The following GPC6 variants were observed in gnomAD, a reference collection of about 807,000 sequenced individuals.
The protein encoded by GPC6 is glypican-6.
A neutral mutation model predicts 55.2 loss-of-function variants in GPC6; 14 were observed. The observed-to-expected ratio is 0.25, with a 90% CI of 0.17 to 0.40. GPC6 has a LOEUF of 0.40. GPC6 is among the 10% of genes least tolerant of loss of function. GPC6 has a pLI of 1.00. For missense variants in GPC6, 641 were observed against 708.5 expected (o/e 0.90, Z 1.08); for synonymous variants, 278 against 259.6 (o/e 1.07, Z -0.68).
chr13:93,731,193 A>G (rs1228862432), intron 2 of GPC6, among the ~76,000 whole-genome samples: 5 of 152,194 alleles, frequency 3.3e-5, no homozygotes, highest in Admixed American at 1.3e-4. Context: ...GTCTGTAGTC[A>G]GTGATAGTGC....
At chr13:93,658,608 A>G (rs1192533758) in intron 2 of GPC6, among the ~76,000 whole-genome samples, 2 of 151,570 alleles carry the variant, frequency 1.3e-5, no homozygotes, top group African/African-American at 2.4e-5. Context: ...TGTTAATGTA[A>G]TAGTTTACAT....
chr13:93,764,746 T>C (rs922865167), intron 2 of GPC6, among the ~76,000 whole-genome samples: 3 of 152,138 alleles, frequency 2.0e-5, no homozygotes, highest in African/African-American at 7.2e-5. Flanking sequence ...GGAGAAAATA[T>C]AGTCCTGGAA....
At chr13:94,143,315 TGA>T (rs1887449498) in intron 4 of GPC6, among the ~76,000 whole-genome samples, 1 of 152,156 alleles carries the variant, frequency 6.6e-6, no homozygotes, top group African/African-American at 2.4e-5. Context: ...TGGTTTAGTG[TGA>T]GAGAATCATT....
At chr13:94,089,627 A>G (rs2138809502) in intron 4 of GPC6, among the ~76,000 whole-genome samples, 1 of 152,266 alleles carries the variant, frequency 6.6e-6, no homozygotes, top group South Asian at 2.1e-4. Flanking sequence ...AATTGCCAAA[A>G]AAAAATGCAC....
At chr13:93,752,416 C>T (rs1365956201) in intron 2 of GPC6, among the ~76,000 whole-genome samples, 1 of 149,776 alleles carries the variant, frequency 6.7e-6, no homozygotes, top group Admixed American at 6.7e-5. Context: ...AAGAGATGAA[C>T]TGTTGCTTCT....
chr13:94,388,896 T>G (rs1392612235), intron 7 of GPC6, among the ~76,000 whole-genome samples: 1 of 152,180 alleles, frequency 6.6e-6, no homozygotes, highest in Non-Finnish European at 1.5e-5. Context: ...GGCTTCAACA[T>G]GTGGATTTTG....
intron 2 of GPC6, among the ~76,000 whole-genome samples, chr13:93,710,700 A>ACCC (rs1566498340): frequency 5.8e-4 from 75 of 130,014 alleles, no homozygotes; most frequent in African/African-American, 2.7e-3. Context: ...CCCCCCCCCA[A>ACCC]AAAAAATATG....
At chr13:93,640,882 C>T (rs1879905678) in intron 2 of GPC6, among the ~76,000 whole-genome samples, 1 of 149,396 alleles carries the variant, frequency 6.7e-6, no homozygotes, top group East Asian at 2.0e-4. Context: ...CTTCTTCCCT[C>T]TTTATCTTTT....
chr13:93,273,640 A>C (rs1320877586), intron 1 of GPC6, among the ~76,000 whole-genome samples: 2 of 152,170 alleles, frequency 1.3e-5, no homozygotes, highest in Non-Finnish European at 2.9e-5. Context: ...CCTGGGCGAC[A>C]GAGCGAGACT....
intron 1 of GPC6, among the ~76,000 whole-genome samples, chr13:93,512,616 A>G (rs1245191910): frequency 2.0e-5 from 3 of 151,986 alleles, no homozygotes; most frequent in African/African-American, 7.2e-5. Context: ...ATTGGCAAGT[A>G]GTTTTCTTTT....
At chr13:93,619,757 A>G (rs887584611) in intron 2 of GPC6, among the ~76,000 whole-genome samples, 1 of 152,162 alleles carries the variant, frequency 6.6e-6, no homozygotes, top group Non-Finnish European at 1.5e-5. Flanking sequence ...TTATAAAAAT[A>G]TATCTTACAA....
At chr13:94,017,752 C>G (rs1245153076) in intron 3 of GPC6, among the ~76,000 whole-genome samples, 1 of 152,112 alleles carries the variant, frequency 6.6e-6, no homozygotes, top group Admixed American at 6.5e-5. Flanking sequence ...CACCTTGGCT[C>G]ACTGCAACCT....
chr13:94,347,616 T>G (rs999712508), intron 6 of GPC6, among the ~76,000 whole-genome samples: 1 of 152,240 alleles, frequency 6.6e-6, no homozygotes, highest in African/African-American at 2.4e-5. Flanking sequence ...TGTAATATGA[T>G]TTTTTAAAAT....
chr13:93,829,544 C>CT (rs746317319), intron 2 of GPC6, among the ~76,000 whole-genome samples: 2 of 152,146 alleles, frequency 1.3e-5, no homozygotes, highest in Non-Finnish European at 2.9e-5. Context: ...TACTTTAAGG[C>CT]TTTCTGACTC....
At chr13:93,503,464 A>G (rs553772703) in intron 1 of GPC6, among the ~76,000 whole-genome samples, 115 of 152,298 alleles carry the variant, frequency 7.6e-4, no homozygotes, top group African/African-American at 2.6e-3. Flanking sequence ...TCACTTTTCA[A>G]AATGTAAACA....
At chr13:93,547,672 A>T (rs1319060026) in intron 2 of GPC6, among the ~76,000 whole-genome samples, 2 of 152,094 alleles carry the variant, frequency 1.3e-5, no homozygotes, top group Non-Finnish European at 2.9e-5. Flanking sequence ...ATTGAGTTGG[A>T]TGGGAGAGAA....
chr13:94,347,786 C>T (rs1234450758), intron 6 of GPC6, among the ~76,000 whole-genome samples: 1 of 152,192 alleles, frequency 6.6e-6, no homozygotes, highest in African/African-American at 2.4e-5. Flanking sequence ...ACACAAAAAA[C>T]TGCAGTGGAA....
chr13:94,325,313 G>A (rs9584214), intron 6 of GPC6, among the ~76,000 whole-genome samples: 98,958 of 152,030 alleles, frequency 0.65, 32,593 homozygotes, highest in East Asian at 0.95. Context: ...CTCACTCCAA[G>A]GGGAGTAAAG....
In GPC6 at chr13:93,300,035, C is replaced by A. The variant is rs966261863; in HGVS notation, c.160+72419C>A. 2.0e-5 allele frequency among the ~76,000 whole-genome samples: 3 copies of A among 152,136 alleles called. 1 individual carries two copies. Among genetic ancestry groups the A allele is most frequent in the African/African-American group, 7.2e-5 (3 of 41,422 alleles). ...AGCAGCACCTGGGAAAATCTTTACT[C>A]CCAATGAAATAAGGTAGTGAGCCTG... On this transcript the variant is annotated intron_variant, in intron 1 of 8. Transcript: ENST00000377047.
Sources: allele counts gnomAD v4.1 joint callset (sites outside exome capture counted in the v4.1 genomes callset), GRCh38; gene constraint gnomAD v4.1.1; transcripts MANE v1.5; gene names NCBI Gene and HGNC (gene_info 2026-07-23, HGNC 2026-07-21).